The following DDX46 variants were observed in gnomAD, a reference collection of about 807,000 sequenced individuals.
The protein encoded by DDX46 is probable ATP-dependent RNA helicase DDX46.
In DDX46, 30 loss-of-function variants were observed where a neutral mutation model predicts 134.9. The ratio of observed to expected loss-of-function variants is 0.22; its 90% confidence interval spans 0.17 to 0.30. The LOEUF (loss-of-function observed/expected upper bound fraction) is 0.30. DDX46 is among the 10% of genes least tolerant of loss of function. The probability of loss-of-function intolerance (pLI) is 1.00; values close to 1 mark genes in which losing one functional copy is unlikely to be tolerated. For missense variants in DDX46, 622 were observed against 1,248.7 expected (o/e 0.50, Z 7.56); for synonymous variants, 415 against 404.1 (o/e 1.03, Z -0.32).
Position 134,758,793 on chromosome 5 carries a change from C to G in DDX46, c.-146C>G. ...GCCAGCACGTCCTGTTTTCGTTGGCCGCGCTGGGATGGCCGCCACAGCTGT... is the reference window on the plus strand; with the variant it reads ...GCCAGCACGTCCTGTTTTCGTTGGCGGCGCTGGGATGGCCGCCACAGCTGT... On this transcript the variant is annotated 5_prime_UTR_variant, in exon 1 of 23. Coordinates refer to ENST00000452510, the MANE Select transcript of DDX46 (RefSeq NM_001300860.2). The G allele has an allele frequency of 7.7e-7, 1 of 1,307,076 alleles. No individual in the cohort carries two copies. The highest frequency in any genetic ancestry group is 2.0e-5 in the Admixed American group (1 of 48,864). The allele number at this position is 1,307,076 out of a possible 1,614,324, so 81.0% of individuals were successfully genotyped here. A position where few individuals can be genotyped will look rare whatever the true frequency, so the allele number is the denominator to read the frequency against.
intron 15 of DDX46, among the ~76,000 whole-genome samples, chr5:134,800,512 G>A (rs545781994): frequency 2.6e-5 from 4 of 152,140 alleles, no homozygotes; most frequent in South Asian, 2.1e-4. Context: ...CAGTATTTTG[G>A]TTGCTTTAGC....
chr5:134,770,816 C>CAAAAAA, intron 3 of DDX46, 87 bp from the exon 4 acceptor site: 1 of 912,734 alleles, frequency 1.1e-6, no homozygotes, highest in Non-Finnish European at 1.5e-6. Context: ...GACACTGTCT[C>CAAAAAA]AAAAAAAAAA....
chr5:134,802,496 C>CG (rs1350359171), intron 15 of DDX46, among the ~76,000 whole-genome samples: 4 of 145,684 alleles, frequency 2.7e-5, no homozygotes, highest in Non-Finnish European at 4.4e-5. Context: ...TCAACATTAT[C>CG]GTTTTTTTTT....
intron 1 of DDX46, 45 bp downstream of exon 1, chr5:134,759,000 G>A (rs1753291060): frequency 6.2e-7 from 1 of 1,603,890 alleles, no homozygotes; most frequent in Non-Finnish European, 8.5e-7. Context: ...CGGCTTCTTG[G>A]GGTCGTGAGA....
At chr5:134,800,136 C>G (rs368161122) in intron 15 of DDX46, among the ~76,000 whole-genome samples, 1 of 151,984 alleles carries the variant, frequency 6.6e-6, no homozygotes, top group Non-Finnish European at 1.5e-5. Flanking sequence ...TTAGTAGAGA[C>G]GGGATTTCAC....
intron 18 of DDX46, among the ~76,000 whole-genome samples, chr5:134,815,228 T>G (rs1202378416): frequency 6.6e-6 from 1 of 152,202 alleles, no homozygotes; most frequent in Non-Finnish European, 1.5e-5. Flanking sequence ...CGGACTGTTT[T>G]TATTGTAGTA....
chr5:134,811,492 A>C, intron 17 of DDX46, 134 bp downstream of exon 17: 1 of 1,268,018 alleles, frequency 7.9e-7, no homozygotes, highest in Non-Finnish European at 1.1e-6. Context: ...CTAGAGGGAA[A>C]AATGAGTGAA....
intron 18 of DDX46, among the ~76,000 whole-genome samples, chr5:134,813,015 C>T (rs1483913020): frequency 2.0e-5 from 3 of 151,742 alleles, no homozygotes; most frequent in African/African-American, 7.3e-5. Flanking sequence ...GATCTTGGCT[C>T]ACTGCAACCT....
At chr5:134,794,173 G>A (rs1754585456) in intron 13 of DDX46, among the ~76,000 whole-genome samples, 1 of 152,196 alleles carries the variant, frequency 6.6e-6, no homozygotes, top group Non-Finnish European at 1.5e-5. Flanking sequence ...GGAGGACAGA[G>A]TCCTTCTTGA....
chr5:134,788,381 C>T, intron 11 of DDX46, 132 bp from the exon 12 acceptor site: 1 of 619,720 alleles, frequency 1.6e-6, no homozygotes, highest in Non-Finnish European at 2.7e-6. Context: ...TTAGTAGTGC[C>T]CCGAGATTCA....
Position 134,773,690 on chromosome 5 carries a change from C to T in DDX46, c.448-6C>T. ...CCCATCTCTTTCTTTCTTTTATTCC[C>T]CCAAGAACTTTGACCAGAATAAGCT... is the stretch of plus-strand genomic sequence containing the variant. On this transcript the variant is annotated splice_polypyrimidine_tract_variant and splice_region_variant and intron_variant, in intron 4 of 22. Coordinates refer to ENST00000452510, the MANE Select transcript of DDX46 (RefSeq NM_001300860.2). 3.2e-6 allele frequency: 5 copies of T among 1,576,384 alleles called. No homozygotes were observed. In the South Asian group the frequency reaches 3.6e-5, roughly 11 times the overall value.
At chr5:134,813,672 C>T (rs1209830827) in intron 18 of DDX46, among the ~76,000 whole-genome samples, 1 of 151,982 alleles carries the variant, frequency 6.6e-6, no homozygotes, top group African/African-American at 2.4e-5. Context: ...ACTCTGTTGC[C>T]CAAACTGGAG....
chr5:134,796,660 C>A (rs1277616324), intron 15 of DDX46, among the ~76,000 whole-genome samples: 1 of 151,948 alleles, frequency 6.6e-6, no homozygotes, highest in Non-Finnish European at 1.5e-5. Context: ...GGAGACCAGT[C>A]TGGCCAACAT....
Position 134,783,932 on chromosome 5 carries a change from A to G in DDX46, c.1167-434A>G, listed in dbSNP as rs547906451. Reference sequence around the variant, plus strand: ...ACTCCTGGCCCCAAATGATTCTCCCATCTCAGCCTCCCAGAATGCTGGGAT... The same window carrying G: ...ACTCCTGGCCCCAAATGATTCTCCCGTCTCAGCCTCCCAGAATGCTGGGAT... On this transcript the variant is annotated intron_variant, in intron 9 of 22. Coordinates refer to ENST00000452510, the MANE Select transcript of DDX46 (RefSeq NM_001300860.2). Among the ~76,000 whole-genome samples, 24 of 146,628 alleles carry G rather than the reference A, an allele frequency of 1.6e-4. No individual in the cohort carries two copies. The East Asian group carries it at 3.4e-3, about 21-fold the overall frequency.
intron 21 of DDX46, among the ~76,000 whole-genome samples, chr5:134,821,071 T>C (rs2150161105): frequency 6.7e-6 from 1 of 150,322 alleles, no homozygotes; most frequent in East Asian, 2.0e-4. Flanking sequence ...AGAGTCTTGC[T>C]CTGTTGCCCA....
intron 16 of DDX46, 56 bp downstream of exon 16, chr5:134,807,997 TTAGTATTTCA>T: frequency 6.8e-7 from 1 of 1,472,920 alleles, no homozygotes; most frequent in Non-Finnish European, 9.2e-7. Context: ...AGGTGTTTCT[TTAGTATTTCA>T]AGGAGTAGAT....
At chr5:134,821,288 C>T (rs568287504) in intron 21 of DDX46, among the ~76,000 whole-genome samples, 6 of 151,678 alleles carry the variant, frequency 4.0e-5, no homozygotes, top group African/African-American at 7.3e-5. Context: ...GTGATCCGCC[C>T]GCCTCGGCCT....
rs1297990140 is a variant in DDX46 at position 134,826,943 on chromosome 5, C to T, written c.2978-4C>T. ...GAATAATATGCTTTCCACTCAATCA[C>T]TAGGTGCCAATGAACTGGCTGTGCA... On this transcript the variant is annotated splice_polypyrimidine_tract_variant and splice_region_variant and intron_variant, in intron 21 of 22. Coordinates refer to ENST00000452510, the MANE Select transcript of DDX46 (RefSeq NM_001300860.2). The T allele has an allele frequency of 6.8e-6, 11 of 1,612,172 alleles. No individual in the cohort carries two copies. The East Asian group carries it at 2.2e-4, about 33-fold the overall frequency.
chr5:134,777,431 T>G, intron 5 of DDX46, 143 bp from the exon 6 acceptor site: 2 of 844,960 alleles, frequency 2.4e-6, no homozygotes, highest in Non-Finnish European at 3.6e-6. Context: ...AATATGAGCA[T>G]TTGAACTGAT....
Sources: gnomAD v4.1 joint callset for allele counts (sites outside exome capture counted in the v4.1 genomes callset) on GRCh38, gnomAD v4.1.1 for gene constraint, MANE v1.5 for transcripts, NCBI Gene and HGNC (gene_info 2026-07-23, HGNC 2026-07-21) for gene names.